The following STK32B variants were observed in gnomAD, a reference collection of about 807,000 sequenced individuals.
STK32B encodes serine/threonine kinase 32B, also known as serine/threonine-protein kinase 32B.
Under a neutral mutation model 52.6 loss-of-function variants are expected in STK32B, and 43 were observed. That is an observed-to-expected ratio of 0.82 (90% CI 0.64 to 1.05). The LOEUF (loss-of-function observed/expected upper bound fraction) is 1.05. Among genes scored for constraint, STK32B ranks in the 50% least tolerant of loss-of-function variants. The pLI is 0.00. For missense variants in STK32B, 621 were observed against 534.6 expected, an observed-to-expected ratio of 1.16 and a Z score of -1.59; for synonymous variants, 238 against 204.3, an observed-to-expected ratio of 1.17 and a Z score of -1.41.
chr4:5,498,351 C>T (rs935024338), intron 11 of STK32B, among the ~76,000 whole-genome samples: 7 of 152,206 alleles, frequency 4.6e-5, no homozygotes, highest in Non-Finnish European at 7.3e-5. Flanking sequence ...ATCATACCCC[C>T]TCAACATAGT....
Position 5,133,824 on chromosome 4 carries a change from G to A in STK32B, c.53-6081G>A, listed in dbSNP as rs115636905. ...GTTTACTGAGTTGCCCTTTTGCTAC[G>A]TCACTGTCTATGGCCGTCATCCTGA... On this transcript the variant is annotated intron_variant, in intron 1 of 11. Transcript: ENST00000282908. Among the ~76,000 whole-genome samples, 553 of 152,216 alleles carry A rather than the reference G, an allele frequency of 3.6e-3. 2 individuals carry two copies. Among genetic ancestry groups the A allele is most frequent in the African/African-American group, 0.013 (533 of 41,526 alleles).
At chr4:5,089,341 C>G (rs1319234866) in intron 1 of STK32B, among the ~76,000 whole-genome samples, 2 of 152,070 alleles carry the variant, frequency 1.3e-5, no homozygotes, top group African/African-American at 4.8e-5. Flanking sequence ...TCTCCTCAAC[C>G]CCATCCCACA....
chr4:5,479,468 C>A (rs1337939145), intron 11 of STK32B, among the ~76,000 whole-genome samples: 1 of 152,194 alleles, frequency 6.6e-6, no homozygotes, highest in Non-Finnish European at 1.5e-5. Flanking sequence ...GAGAAAGAAA[C>A]TGGAATCATC....
At chr4:5,301,589 C>G (rs115607134) in intron 3 of STK32B, among the ~76,000 whole-genome samples, 1,580 of 149,822 alleles carry the variant, frequency 0.011, 20 homozygotes, top group African/African-American at 0.037. Context: ...CTTTTATAAT[C>G]CTTTTATTTC....
chr4:5,026,392 A>C, the STK32B span, among the ~76,000 whole-genome samples: 2 of 152,180 alleles, frequency 1.3e-5, no homozygotes, highest in Non-Finnish European at 2.9e-5. Context: ...CCAGTTCTGC[A>C]TGGCTGGGGA....
chr4:5,366,365 A>C (rs568663930), intron 4 of STK32B, among the ~76,000 whole-genome samples: 64 of 152,344 alleles, frequency 4.2e-4, no homozygotes, highest in African/African-American at 1.4e-3. Flanking sequence ...AGGAGGAAAA[A>C]TTAAAACAGA....
chr4:5,295,665 T>A (rs1729149475), intron 3 of STK32B, among the ~76,000 whole-genome samples: 1 of 152,170 alleles, frequency 6.6e-6, no homozygotes, highest in Admixed American at 6.5e-5. Context: ...CTTCTCTCTT[T>A]TCCTCTTCAT....
intron 11 of STK32B, among the ~76,000 whole-genome samples, chr4:5,496,599 C>A (rs530103113): frequency 2.0e-5 from 3 of 151,082 alleles, no homozygotes; most frequent in Non-Finnish European, 2.9e-5. Flanking sequence ...GTGAGATGAA[C>A]CCGGTACCTC....
intron 4 of STK32B, among the ~76,000 whole-genome samples, chr4:5,391,505 AG>A (rs1736596063): frequency 6.6e-6 from 1 of 152,212 alleles, no homozygotes; most frequent in Non-Finnish European, 1.5e-5. Context: ...ACAATATCCC[AG>A]GAGAAGATTG....
chr4:5,419,466 A>G (rs1712445817), intron 6 of STK32B, among the ~76,000 whole-genome samples: 2 of 152,150 alleles, frequency 1.3e-5, no homozygotes, highest in South Asian at 4.1e-4. Flanking sequence ...TCTCCTTCAG[A>G]ATTTATCAAG....
intron 6 of STK32B, among the ~76,000 whole-genome samples, chr4:5,440,616 C>A (rs1714637876): frequency 6.6e-6 from 1 of 152,200 alleles, no homozygotes; most frequent in Non-Finnish European, 1.5e-5. Flanking sequence ...TGCCTAATTA[C>A]CCTGGCCAGA....
chr4:5,209,030 A>C (rs7659147), intron 3 of STK32B, among the ~76,000 whole-genome samples: 2 of 152,204 alleles, frequency 1.3e-5, no homozygotes, highest in South Asian at 2.1e-4. Context: ...TGCCCCTCTC[A>C]TGGCCCCTTT....
At chr4:5,133,403 G>A (rs944039198) in intron 1 of STK32B, among the ~76,000 whole-genome samples, 8 of 152,098 alleles carry the variant, frequency 5.3e-5, no homozygotes, top group African/African-American at 1.9e-4. Context: ...CTGTAGAGAG[G>A]GTGATCTCAT....
chr4:5,114,775 C>T (rs1714622624), intron 1 of STK32B, among the ~76,000 whole-genome samples: 1 of 152,198 alleles, frequency 6.6e-6, no homozygotes, highest in African/African-American at 2.4e-5. Flanking sequence ...CCCGCAGGGG[C>T]CATGTAGCTA....
At chr4:5,199,220 G>T (rs892891813) in intron 3 of STK32B, among the ~76,000 whole-genome samples, 1 of 152,142 alleles carries the variant, frequency 6.6e-6, no homozygotes, top group Non-Finnish European at 1.5e-5. Flanking sequence ...GAACATGCAC[G>T]GTGGTTGTTT....
intron 3 of STK32B, among the ~76,000 whole-genome samples, chr4:5,266,296 C>T (rs1019734638): frequency 2.0e-5 from 3 of 152,134 alleles, no homozygotes; most frequent in African/African-American, 4.8e-5. Context: ...TTTAAGATAG[C>T]GCAGTTATAA....
At chr4:5,403,259 G>C (rs570391634) in intron 5 of STK32B, among the ~76,000 whole-genome samples, 55 of 152,228 alleles carry the variant, frequency 3.6e-4, no homozygotes, top group African/African-American at 1.2e-3. Flanking sequence ...TTATGTTCCA[G>C]GCCCCTCCTC....
intron 3 of STK32B, among the ~76,000 whole-genome samples, chr4:5,192,717 T>A (rs1721316683): frequency 7.0e-6 from 1 of 142,374 alleles, no homozygotes; most frequent in Non-Finnish European, 1.5e-5. Flanking sequence ...CACAGTCACC[T>A]TTTTTGTGTG....
At chr4:5,369,939 G>A (rs910077789) in intron 4 of STK32B, among the ~76,000 whole-genome samples, 3 of 151,520 alleles carry the variant, frequency 2.0e-5, no homozygotes, top group Non-Finnish European at 4.4e-5. Flanking sequence ...GCAGTGGCAC[G>A]ATTTCTGCTC....
Sources: allele counts gnomAD v4.1 joint callset (sites outside exome capture counted in the v4.1 genomes callset), GRCh38; gene constraint gnomAD v4.1.1; transcripts MANE v1.5; gene names NCBI Gene and HGNC (gene_info 2026-07-23, HGNC 2026-07-21).